Variants in PCSK2 observed in about 807,000 individuals in gnomAD.
PCSK2 encodes the protein proprotein convertase subtilisin/kexin type 2.
In PCSK2, 14 loss-of-function variants were observed where a neutral mutation model predicts 69.7. The ratio of observed to expected loss-of-function variants is 0.20; its 90% CI spans 0.13 to 0.31. The LOEUF is 0.31. Among genes scored for constraint, PCSK2 ranks in the 10% least tolerant of loss-of-function variants. PCSK2 has a pLI of 1.00. For synonymous variants in PCSK2, 307 were observed against 320.7 expected (o/e 0.96, Z 0.46); for missense variants, 544 against 842.5 (o/e 0.65, Z 4.39).
chr20:17,259,128 C>G (rs549765102), intron 1 of PCSK2, among the ~76,000 whole-genome samples: 1 of 152,244 alleles, frequency 6.6e-6, no homozygotes, highest in South Asian at 2.1e-4. Context: ...TCAACCACAT[C>G]TGCTTCCCTT....
chr20:17,303,766 G>C (rs1215153126), intron 2 of PCSK2, among the ~76,000 whole-genome samples: 1 of 146,802 alleles, frequency 6.8e-6, no homozygotes. Flanking sequence ...TAGTTGAGGG[G>C]AGTTTTCGCC....
intron 8 of PCSK2, among the ~76,000 whole-genome samples, chr20:17,451,736 ACAAT>A (rs1465725000): frequency 1.3e-5 from 2 of 152,164 alleles, no homozygotes; most frequent in African/African-American, 4.8e-5. Flanking sequence ...AATTAGGGTC[ACAAT>A]CAATCTACCA....
intron 2 of PCSK2, among the ~76,000 whole-genome samples, chr20:17,275,306 G>A (rs182901662): frequency 1.1e-4 from 16 of 152,032 alleles, no homozygotes; most frequent in African/African-American, 2.7e-4. Flanking sequence ...AACAGCATAC[G>A]TAGTGAGAGG....
chr20:17,311,249 A>T (rs1356432759), intron 2 of PCSK2, among the ~76,000 whole-genome samples: 1 of 152,130 alleles, frequency 6.6e-6, no homozygotes, highest in Non-Finnish European at 1.5e-5. Context: ...TTTTAAAAAG[A>T]TTTCCATTGA....
rs571022343 is a variant in PCSK2 at position 17,289,776 on chromosome 20, G to A, written c.282+29432G>A. Among the ~76,000 whole-genome samples the A allele has an allele frequency of 3.0e-4, 46 of 151,706 alleles. No individual in the cohort carries two copies. In the South Asian group the frequency reaches 9.0e-3, roughly 30 times the overall value. On this transcript the variant is annotated intron_variant, in intron 2 of 11. Transcript: ENST00000262545. ...TTGTTTTACTTTCCTTTATAATATAGCTTTTGAAAGCTGCAATGTTTTTCA... is the reference window on the plus strand; with the variant it reads ...TTGTTTTACTTTCCTTTATAATATAACTTTTGAAAGCTGCAATGTTTTTCA...
chr20:17,470,542 C>A (rs1273363486), intron 11 of PCSK2, among the ~76,000 whole-genome samples: 2 of 152,228 alleles, frequency 1.3e-5, no homozygotes, highest in African/African-American at 4.8e-5. Flanking sequence ...CCCAGCACGA[C>A]ATCCAATTGC....
At chr20:17,236,225 A>G (rs1986332476) in intron 1 of PCSK2, among the ~76,000 whole-genome samples, 1 of 152,136 alleles carries the variant, frequency 6.6e-6, no homozygotes, top group African/African-American at 2.4e-5. Flanking sequence ...AAAATTTAAC[A>G]GAAGAGAAAA....
chr20:17,473,241 A>G (rs2033236567), intron 11 of PCSK2, among the ~76,000 whole-genome samples: 1 of 151,972 alleles, frequency 6.6e-6, no homozygotes, highest in Admixed American at 6.6e-5. Flanking sequence ...TTACAGGTAC[A>G]CACCACCATG....
chr20:17,324,586 A>ACT (rs1989983723), intron 2 of PCSK2, among the ~76,000 whole-genome samples: 1 of 152,030 alleles, frequency 6.6e-6, no homozygotes, highest in African/African-American at 2.4e-5. Flanking sequence ...ACCCTAGCCC[A>ACT]CCTTGGTCCT....
At chr20:17,270,000 C>G (rs1248564450) in intron 2 of PCSK2, among the ~76,000 whole-genome samples, 1 of 151,998 alleles carries the variant, frequency 6.6e-6, no homozygotes, top group Non-Finnish European at 1.5e-5. Context: ...AAAATTTTTT[C>G]TAGGATATAA....
chr20:17,342,557 C>T (rs926593467), intron 2 of PCSK2, among the ~76,000 whole-genome samples: 1 of 152,042 alleles, frequency 6.6e-6, no homozygotes, highest in Non-Finnish European at 1.5e-5. Context: ...GACTCAAGCG[C>T]TCCACCTGCC....
intron 2 of PCSK2, among the ~76,000 whole-genome samples, chr20:17,292,368 C>A (rs2123068282): frequency 6.6e-6 from 1 of 152,138 alleles, no homozygotes; most frequent in Non-Finnish European, 1.5e-5. Flanking sequence ...AAAAATATTT[C>A]TATATTTATA....
At position 17,376,757 on chromosome 20, in the gene PCSK2, G is replaced by C. The variant is rs571983307; in HGVS notation, c.543+7480G>C. On this transcript the variant is annotated intron_variant, in intron 5 of 11. Coordinates refer to ENST00000262545, the MANE Select transcript of PCSK2 (RefSeq NM_002594.5). ...TGACTACATCACAGTTAGATCATAA[G>C]CTCTTTGTAAGGAAGTGTGTACTTT... Among the ~76,000 whole-genome samples the C allele has an allele frequency of 1.6e-4, 24 of 152,310 alleles. No homozygotes were observed. In the South Asian group the frequency reaches 5.0e-3, roughly 32 times the overall value.
chr20:17,438,037 G>T (rs767930423), intron 8 of PCSK2, among the ~76,000 whole-genome samples: 1 of 150,528 alleles, frequency 6.6e-6, no homozygotes, highest in Non-Finnish European at 1.5e-5. Context: ...CAGCCTGGAC[G>T]TGGGACTCAC....
intron 2 of PCSK2, among the ~76,000 whole-genome samples, chr20:17,278,319 C>T (rs569258395): frequency 4.6e-5 from 7 of 152,068 alleles, no homozygotes; most frequent in Non-Finnish European, 1.0e-4. Context: ...TGGAATGAAC[C>T]CAAATGTCCA....
At chr20:17,351,838 G>C (rs2029999159) in intron 2 of PCSK2, among the ~76,000 whole-genome samples, 1 of 152,120 alleles carries the variant, frequency 6.6e-6, no homozygotes, top group Non-Finnish European at 1.5e-5. Context: ...AGTACTGGAA[G>C]TCCCAGCCAC....
chr20:17,352,993 CA>C lies in PCSK2; in HGVS notation c.283-5324del, dbSNP rs199561992. 7.7e-3 allele frequency among the ~76,000 whole-genome samples: 1,145 copies of C among 148,378 alleles called. 5 individuals are homozygous for C. The highest frequency in any genetic ancestry group is 0.011 in the Non-Finnish European group (706 of 66,806). ...TCTATAAGAAACTTAAACAAATCAA[CA>C]AAAAAAAAATCCCTATTTTAAAATG... On this transcript the variant is annotated intron_variant, in intron 2 of 11. Coordinates refer to ENST00000262545, the MANE Select transcript of PCSK2 (RefSeq NM_002594.5).
At chr20:17,316,737 G>C (rs1989701051) in intron 2 of PCSK2, among the ~76,000 whole-genome samples, 1 of 152,178 alleles carries the variant, frequency 6.6e-6, no homozygotes, top group Non-Finnish European at 1.5e-5. Context: ...CCATGTTTCT[G>C]ATACTGTGAT....
At chr20:17,325,695 G>T (rs1046506200) in intron 2 of PCSK2, among the ~76,000 whole-genome samples, 5 of 152,240 alleles carry the variant, frequency 3.3e-5, no homozygotes, top group African/African-American at 1.2e-4. Flanking sequence ...TCAGCAGAAA[G>T]CGACAATGCT....
Sources: allele counts gnomAD v4.1 joint callset (sites outside exome capture counted in the v4.1 genomes callset), GRCh38; gene constraint gnomAD v4.1.1; transcripts MANE v1.5; gene names NCBI Gene and HGNC (gene_info 2026-07-23, HGNC 2026-07-21).